Variants in KLF7 observed in about 807,000 individuals in gnomAD.
The protein encoded by KLF7 is Krueppel-like factor 7.
Under a neutral mutation model 27.3 loss-of-function variants are expected in KLF7, and 2 were observed. That is an observed-to-expected ratio of 0.07 (90% CI 0.03 to 0.23). The LOEUF (loss-of-function observed/expected upper bound fraction) is 0.23, where lower values mean the gene tolerates loss of function less well. Ranked by LOEUF, KLF7 falls within the 10% of genes least tolerant of loss-of-function variation. The pLI, the probability that KLF7 is intolerant of heterozygous loss-of-function variation, is 1.00. For synonymous variants in KLF7, 165 were observed against 162.4 expected (o/e 1.02, Z -0.12); for missense variants, 221 against 394.1 (o/e 0.56, Z 3.72).
At chr2:207,158,682 T>G (rs182218981) in intron 1 of KLF7, among the ~76,000 whole-genome samples, 17 of 152,290 alleles carry the variant, frequency 1.1e-4, no homozygotes, top group Admixed American at 9.1e-4. Context: ...ATTTTCCAAT[T>G]TAGCACACAT....
Position 207,109,055 on chromosome 2 carries a change from A to G in KLF7, c.733+14719T>C, listed in dbSNP as rs545567596. Among the ~76,000 whole-genome samples the G allele has an allele frequency of 6.4e-4, 97 of 152,368 alleles. 1 individual carries two copies. Among genetic ancestry groups the G allele is most frequent in the African/African-American group, 2.2e-3 (93 of 41,592 alleles). On this transcript the variant is annotated intron_variant, in intron 2 of 3. Coordinates refer to ENST00000309446, the MANE Select transcript of KLF7 (RefSeq NM_003709.4). Reference sequence around the variant, plus strand: ...TAAGATGCATTCTTTCAAGGGGTTCAGAGAAAAGTTTCTATTTGCTATTTC... The same window carrying G: ...TAAGATGCATTCTTTCAAGGGGTTCGGAGAAAAGTTTCTATTTGCTATTTC...
At chr2:207,112,575 A>T (rs1019725147) in intron 2 of KLF7, among the ~76,000 whole-genome samples, 2 of 152,228 alleles carry the variant, frequency 1.3e-5, no homozygotes, top group African/African-American at 4.8e-5. Flanking sequence ...GTCACACAAC[A>T]TGCTCTGAGT....
In KLF7 at chr2:207,124,320, G is replaced by T. The variant is rs1177496928; in HGVS notation, c.187C>A (p.His63Asn). The change falls in exon 2 of 4, where the codon CAC (histidine) becomes AAC (asparagine). Residue 63 changes from histidine (H) to asparagine (N), a missense_variant. Transcript: ENST00000309446. ...TCAATGCACGGGGGAGGGGAAGCGT[G>T]GAGGAAACAGTCCAAGTCCTCACCA... The part of the protein sequence containing the change: ...TFGEDLDCFL[H>N]ASPPPCIEES... The T allele has an allele frequency of 2.5e-6, 4 of 1,612,638 alleles. No individual in the cohort carries two copies. The highest frequency in any genetic ancestry group is 3.4e-6 in the Non-Finnish European group (4 of 1,178,842).
At chr2:207,161,037 T>C (rs575927045) in intron 1 of KLF7, among the ~76,000 whole-genome samples, 1 of 152,270 alleles carries the variant, frequency 6.6e-6, no homozygotes, top group East Asian at 1.9e-4. Flanking sequence ...AAAAAATAAC[T>C]GCATTATAAT....
chr2:207,124,054 G>C lies in KLF7; in HGVS notation c.453C>G (p.Thr151=), dbSNP rs1426357838. Reference sequence around the variant, plus strand: ...CATCCACGGCAGAGAGAGTTTGTGAGGTTTTGACCAGATGGCGGCTGAGCT... The same window carrying C: ...CATCCACGGCAGAGAGAGTTTGTGACGTTTTGACCAGATGGCGGCTGAGCT... ...SPELSRHLVK[T]SQTLSAVDGT... The change falls in exon 2 of 4, where the codon ACC becomes ACG. Residue 151 remains threonine (T), a synonymous_variant. Coordinates refer to ENST00000309446, the MANE Select transcript of KLF7 (RefSeq NM_003709.4). 6.2e-7 allele frequency: 1 copy of C among 1,614,160 alleles called. No individual in the cohort carries two copies.
At chr2:207,136,889 G>C (rs538897037) in intron 1 of KLF7, among the ~76,000 whole-genome samples, 74 of 152,248 alleles carry the variant, frequency 4.9e-4, no homozygotes, top group African/African-American at 1.7e-3. Context: ...TCCTCAGTGC[G>C]AGTTTTTACA....
upstream of KLF7, among the ~76,000 whole-genome samples, chr2:207,168,025 G>C (rs1277794143): frequency 6.6e-6 from 1 of 152,140 alleles, no homozygotes; most frequent in South Asian, 2.1e-4. Context: ...CCTTCTCCAT[G>C]CTCTCCCCTG....
intron 1 of KLF7, among the ~76,000 whole-genome samples, chr2:207,163,362 T>C (rs10490476): frequency 0.12 from 18,575 of 152,124 alleles, 1,447 homozygotes; most frequent in Middle Eastern, 0.19. Flanking sequence ...AAAAATCCTT[T>C]GCCTGTAGAA....
In KLF7 at chr2:207,124,091, G is replaced by A. The variant is rs1244054104; in HGVS notation, c.416C>T (p.Pro139Leu). ...QLNAVTSLTP[P>L]SSPELSRHLV... ...ATGGCGGCTGAGCTCAGGGGACGAT[G>A]GGGGCGTTAATGAGGTCACTGCGTT... is the stretch of plus-strand genomic sequence containing the variant. Residue 139 changes from proline (P) to leucine (L), a missense_variant, in exon 2 of 4, where the codon CCA becomes CTA. This residue lies in a region of KLF7 where 180 missense variants were observed against 227.9 expected (regional missense o/e 0.79). Transcript: ENST00000309446. The A allele has an allele frequency of 1.2e-6, 2 of 1,614,046 alleles. No individual in the cohort carries two copies. Among genetic ancestry groups the A allele is most frequent in the African/African-American group, 1.3e-5 (1 of 74,924 alleles).
chr2:207,165,333 A>G (rs1159899465), intron 1 of KLF7, 134 bp downstream of exon 1: 2 of 1,292,042 alleles, frequency 1.5e-6, no homozygotes, highest in Non-Finnish European at 1.1e-6. Flanking sequence ...AACATTTTCA[A>G]CAACAGACAG....
chr2:207,094,722 C>G (rs965237580), intron 2 of KLF7, among the ~76,000 whole-genome samples: 2 of 152,142 alleles, frequency 1.3e-5, no homozygotes, highest in African/African-American at 4.8e-5. Flanking sequence ...TAAAAAATAC[C>G]TATGCTAAGT....
At chr2:207,150,997 TAAA>T (rs34218929) in intron 1 of KLF7, among the ~76,000 whole-genome samples, 4 of 90,336 alleles carry the variant, frequency 4.4e-5, no homozygotes, top group Admixed American at 1.5e-4. Flanking sequence ...TTCTCTTTAT[TAAA>T]AAAAAAAAAA....
intron 1 of KLF7, among the ~76,000 whole-genome samples, chr2:207,131,304 A>C (rs2077627346): frequency 6.6e-6 from 1 of 152,210 alleles, no homozygotes; most frequent in South Asian, 2.1e-4. Flanking sequence ...CCTTTCTGAC[A>C]TTTATTGTGT....
At chr2:207,113,620 GA>G (rs369054664) in intron 2 of KLF7, among the ~76,000 whole-genome samples, 14,348 of 107,428 alleles carry the variant, frequency 0.13, 1,636 homozygotes, top group Non-Finnish European at 0.19. Context: ...GGGGGGGGGG[GA>G]AATGATGCAG....
At chr2:207,094,073 T>C (rs1263616) in intron 2 of KLF7, among the ~76,000 whole-genome samples, 48,876 of 152,098 alleles carry the variant, frequency 0.32, 9,018 homozygotes, top group African/African-American at 0.5. Context: ...TCATTTGTAA[T>C]GTTTATCTCT....
At chr2:207,167,012 G>T, upstream of KLF7, 1 of 893,966 alleles carries the variant, frequency 1.1e-6, no homozygotes, top group Non-Finnish European at 1.5e-6. Context: ...GAGTCCGGCG[G>T]CTAGAGTTGA....
intron 1 of KLF7, among the ~76,000 whole-genome samples, chr2:207,138,405 C>T (rs76910286): frequency 1.2e-3 from 182 of 152,294 alleles, no homozygotes; most frequent in African/African-American, 4.2e-3. Context: ...CAAATCTTCT[C>T]ATACAATGAA....
chr2:207,155,610 TA>T (rs1252364780), intron 1 of KLF7, among the ~76,000 whole-genome samples: 1 of 152,124 alleles, frequency 6.6e-6, no homozygotes, highest in African/African-American at 2.4e-5. Flanking sequence ...TGATCCGTAT[TA>T]AAGAAAAGCA....
intron 1 of KLF7, chr2:207,148,888 G>T: frequency 2.3e-6 from 1 of 429,770 alleles, no homozygotes; most frequent in South Asian, 5.6e-5. Flanking sequence ...ATCTGCTTTG[G>T]GGGCAGGGAT....
Sources: allele counts gnomAD v4.1 joint callset (sites outside exome capture counted in the v4.1 genomes callset), GRCh38; gene constraint gnomAD v4.1.1; regional missense constraint gnomAD v4.1.1; transcripts MANE v1.5; gene names NCBI Gene and HGNC (gene_info 2026-07-23, HGNC 2026-07-21).